The following VRK3 variants were observed in gnomAD, a reference collection of about 807,000 sequenced individuals.
VRK3 encodes VRK serine/threonine kinase 3, also known as serine/threonine-protein kinase VRK3.
In VRK3, 50 loss-of-function variants were observed where a neutral mutation model predicts 60.4. The ratio of observed to expected loss-of-function variants is 0.83; its 90% CI spans 0.66 to 1.05. The LOEUF is 1.05. VRK3 is among the 50% of genes least tolerant of loss of function. The pLI is 0.00. For missense variants in VRK3, 549 were observed against 585.3 expected (o/e 0.94, Z 0.64); for synonymous variants, 246 against 227.8 (o/e 1.08, Z -0.72).
chr19:50,004,101 G>A (rs768370148), intron 5 of VRK3, among the ~76,000 whole-genome samples: 1 of 152,148 alleles, frequency 6.6e-6, no homozygotes, highest in South Asian at 2.1e-4. Context: ...TGGGCACTGG[G>A]GTTTGCTATT....
At chr19:49,981,500 G>A (rs1470351181) in intron 12 of VRK3, among the ~76,000 whole-genome samples, 1 of 152,174 alleles carries the variant, frequency 6.6e-6, no homozygotes, top group Non-Finnish European at 1.5e-5. Flanking sequence ...AGCCTAGATT[G>A]AGCCACTGCA....
intron 8 of VRK3, 51 bp downstream of exon 8, chr19:49,995,140 G>A (rs772865245): frequency 1.3e-6 from 2 of 1,583,840 alleles, no homozygotes; most frequent in East Asian, 2.2e-5. Context: ...AGTCACAACA[G>A]GAAGAAGAGG....
intron 1 of VRK3, among the ~76,000 whole-genome samples, chr19:50,022,795 T>C (rs1449589020): frequency 6.6e-6 from 1 of 151,930 alleles, no homozygotes; most frequent in African/African-American, 2.4e-5. Context: ...CTCAGTCTCA[T>C]AAATAAACAA....
At chr19:49,979,013 C>T in intron 14 of VRK3, 70 bp downstream of exon 14, 2 of 1,492,854 alleles carry the variant, frequency 1.3e-6, no homozygotes, top group South Asian at 2.7e-5. Flanking sequence ...GGAAGTGTCT[C>T]CTGGAGCCTG....
chr19:49,988,393 T>C lies in VRK3; in HGVS notation c.1196A>G (p.Asp399Gly). The C allele has an allele frequency of 6.2e-7, 1 of 1,612,992 alleles. No homozygotes were observed. Among genetic ancestry groups the C allele is most frequent in the African/African-American group, 1.3e-5 (1 of 74,994 alleles). The change falls in exon 12 of 15, where the codon GAC becomes GGC. Residue 399 changes from aspartate (D) to glycine (G), a missense_variant. Coordinates refer to ENST00000316763, the MANE Select transcript of VRK3 (RefSeq NM_016440.4). Reference protein sequence around the residue: ...PWTNCLPNTEDIMKQKQKFVD... With the variant: ...PWTNCLPNTEGIMKQKQKFVD... ...TCACTTCTGTTTTTGCTTCATGATG[T>C]CCTCAGTGTTGGGAAGGCAATTTGT...
At chr19:49,984,982 T>G (rs1226681690) in intron 12 of VRK3, among the ~76,000 whole-genome samples, 1 of 150,148 alleles carries the variant, frequency 6.7e-6, no homozygotes, top group African/African-American at 2.5e-5. Context: ...GAGAAGGATG[T>G]GTGTGTGTGT....
At chr19:50,016,905 A>AATACGCC (rs1367819289) in intron 2 of VRK3, among the ~76,000 whole-genome samples, 1 of 144,352 alleles carries the variant, frequency 6.9e-6, no homozygotes, top group East Asian at 2.1e-4. Context: ...ACAAAGAGCA[A>AATACGCC]TACGCCGGGT....
chr19:50,016,189 A>G (rs2077074584), intron 2 of VRK3, 26 bp from the exon 3 acceptor site: 11 of 1,612,526 alleles, frequency 6.8e-6, no homozygotes, highest in Non-Finnish European at 9.3e-6. Flanking sequence ...AACAAACACA[A>G]AGTGAAACGG....
At chr19:50,019,674 CTTTTTTTTTTTTTTTTTTTTTTTTTTTT>C (rs568877003) in intron 2 of VRK3, among the ~76,000 whole-genome samples, 2 of 44,978 alleles carry the variant, frequency 4.4e-5, no homozygotes, top group Non-Finnish European at 9.1e-5. Flanking sequence ...CATGCCTGGC[CTTTTTTTTTTTTTTTTTTTTTTTTTTTT>C]TTTTTTTTTT....
At chr19:50,010,772 G>C (rs936069150) in intron 3 of VRK3, among the ~76,000 whole-genome samples, 1 of 152,120 alleles carries the variant, frequency 6.6e-6, no homozygotes, top group African/African-American at 2.4e-5. Context: ...AATTAGCTGG[G>C]TGTGGTGGCA....
chr19:50,003,433 G>A (rs1448479960), intron 5 of VRK3, among the ~76,000 whole-genome samples: 6 of 152,244 alleles, frequency 3.9e-5, no homozygotes. Flanking sequence ...GCGTGGGCCC[G>A]ACCCTGAGCT....
Position 50,006,090 on chromosome 19 carries a change from A to T in VRK3, c.547+1479T>A, listed in dbSNP as rs889578887. On this transcript the variant is annotated intron_variant, in intron 5 of 14. Transcript: ENST00000316763. ...CACTTGAGGTCAGCTGTTCGAGACC[A>T]GCCTGGCCAACATGGTAACACCCTG... Among the ~76,000 whole-genome samples, 37 of 149,660 alleles carry T rather than the reference A, an allele frequency of 2.5e-4. 2 individuals carry two copies. Among genetic ancestry groups the T allele is most frequent in the African/African-American group, 7.7e-4 (30 of 39,062 alleles).
chr19:49,986,186 C>G (rs2076512482), intron 12 of VRK3: 1 of 152,162 alleles, frequency 6.6e-6, no homozygotes, highest in African/African-American at 2.4e-5. Context: ...TTTTTAAGGA[C>G]ACAGATGCAT....
chr19:50,020,634 A>G lies in VRK3; in HGVS notation c.-51T>C, dbSNP rs1229747524. The G allele has an allele frequency of 6.6e-6, 1 of 152,290 alleles. No homozygotes were observed. The highest frequency in any genetic ancestry group is 1.9e-4 in the East Asian group (1 of 5,204). The allele number at this position is 152,290 out of a possible 1,614,324, so 9.4% of individuals were successfully genotyped here. On this transcript the variant is annotated 5_prime_UTR_variant, in exon 2 of 15. The change abolishes an upstream ATG in the 5' untranslated region. Transcript: ENST00000316763. ...TTGGATTTACTGGGTTGGAAACTCCATCTTGACAGCGACCTGTAAGTGAAC... is the reference window on the plus strand; with the variant it reads ...TTGGATTTACTGGGTTGGAAACTCCGTCTTGACAGCGACCTGTAAGTGAAC...
chr19:49,982,231 C>T lies in VRK3; in HGVS notation c.1218-1218G>A, dbSNP rs2123012270. On this transcript the variant is annotated intron_variant, in intron 12 of 14. Transcript: ENST00000316763. ...CCCCACAGACTCATGACCAACAGCA[C>T]CGTAGCTCATGCCTGAACAAAGCTG... 8.5e-6 allele frequency: 6 copies of T among 702,800 alleles called. No individual in the cohort carries two copies. The East Asian group carries it at 1.6e-4, about 19-fold the overall frequency. The allele number at this position is 702,800 out of a possible 1,614,324, so 43.5% of individuals were successfully genotyped here. A position where few individuals can be genotyped will look rare whatever the true frequency, so the allele number is the denominator to read the frequency against.
chr19:50,010,574 G>A (rs1218557384), intron 3 of VRK3, among the ~76,000 whole-genome samples: 1 of 152,242 alleles, frequency 6.6e-6, no homozygotes, highest in Non-Finnish European at 1.5e-5. Flanking sequence ...AGATCAGTGT[G>A]AATTCTGGCC....
At chr19:49,981,789 C>CACAG in intron 12 of VRK3, 1 of 1,057,756 alleles carries the variant, frequency 9.5e-7, no homozygotes, top group Non-Finnish European at 1.1e-6. Flanking sequence ...CAAGCACACA[C>CACAG]ACAGACACAC....
At chr19:49,977,834 G>C (rs1310347176) in intron 14 of VRK3, among the ~76,000 whole-genome samples, 1 of 152,136 alleles carries the variant, frequency 6.6e-6, no homozygotes, top group Non-Finnish European at 1.5e-5. Context: ...CACTGGTTGA[G>C]GCAGAGAGCC....
chr19:49,980,238 C>T (rs1434468988), intron 13 of VRK3, among the ~76,000 whole-genome samples: 2 of 152,066 alleles, frequency 1.3e-5, no homozygotes, highest in Non-Finnish European at 2.9e-5. Context: ...CCCAACAAGA[C>T]AGTGCAAATA....
Sources: allele counts gnomAD v4.1 joint callset (sites outside exome capture counted in the v4.1 genomes callset), GRCh38; gene constraint gnomAD v4.1.1; transcripts MANE v1.5; gene names NCBI Gene and HGNC (gene_info 2026-07-23, HGNC 2026-07-21).